FAM91A1: variants seen among roughly 807,000 people sequenced by gnomAD.
FAM91A1 encodes the protein family with sequence similarity 91 member A1, also known as protein FAM91A1.
Under a neutral mutation model 113.5 loss-of-function variants are expected in FAM91A1, and 41 were observed. The observed-to-expected ratio is 0.36, with a 90% CI of 0.28 to 0.47. The LOEUF is 0.47. FAM91A1 is among the 20% of genes least tolerant of loss of function. The pLI, the probability that FAM91A1 is intolerant of heterozygous loss-of-function variation, is 1.00. For synonymous variants in FAM91A1, 307 were observed against 347.9 expected, an observed-to-expected ratio of 0.88 and a Z score of 1.31; for missense variants, 696 against 1,001.2, an observed-to-expected ratio of 0.70 and a Z score of 4.11.
chr8:123,772,492 G>T (rs1231180651), intron 1 of FAM91A1, among the ~76,000 whole-genome samples: 1 of 152,210 alleles, frequency 6.6e-6, no homozygotes, highest in East Asian at 1.9e-4. Flanking sequence ...TCTACAATGA[G>T]ATCTACTCTT....
chr8:123,809,050 TC>T, intron 22 of FAM91A1, 34 bp downstream of exon 22: 1 of 1,602,996 alleles, frequency 6.2e-7, no homozygotes, highest in Non-Finnish European at 8.5e-7. Flanking sequence ...TATTTTCATA[TC>T]AATTTTTAAG....
chr8:123,775,094 ATATAAC>A, intron 2 of FAM91A1, 47 bp from the exon 3 acceptor site: 3 of 1,484,320 alleles, frequency 2.0e-6, no homozygotes, highest in African/African-American at 1.4e-5. Flanking sequence ...CATAGTTAAT[ATATAAC>A]TATAAGAAAC....
chr8:123,795,390 C>G (rs1815488804), intron 15 of FAM91A1, among the ~76,000 whole-genome samples: 2 of 150,562 alleles, frequency 1.3e-5, no homozygotes, highest in Non-Finnish European at 3.0e-5. Context: ...CCCCGCCCCC[C>G]TGCCCTTTAC....
rs1815988842 is a variant in FAM91A1 at position 123,812,732 on chromosome 8, T to G, written c.*28T>G. On this transcript the variant is annotated 3_prime_UTR_variant, in exon 24 of 24. Transcript: ENST00000334705. The stretch of plus-strand genomic sequence containing the variant: ...TGGTTACACCATTTGTTGCTCACAC[T>G]TTCTGCCTTTTTTCTTTCTTAACGT... 6.7e-7 allele frequency: 1 copy of G among 1,494,132 alleles called. No individual in the cohort carries two copies. The highest frequency in any genetic ancestry group is 1.4e-5 in the African/African-American group (1 of 69,982). 92.6% of individuals were successfully genotyped at this position (1,494,132 alleles called of 1,614,324 possible). A position where few individuals can be genotyped will look rare whatever the true frequency, so the allele number is the denominator to read the frequency against.
chr8:123,790,893 T>C (rs1323480805), intron 15 of FAM91A1, among the ~76,000 whole-genome samples: 2 of 152,236 alleles, frequency 1.3e-5, no homozygotes, highest in Non-Finnish European at 2.9e-5. Context: ...CCGAGAGTCC[T>C]AAGCACTTAC....
intron 8 of FAM91A1, among the ~76,000 whole-genome samples, chr8:123,781,474 A>ATTTTT: frequency 8.2e-6 from 1 of 121,274 alleles, no homozygotes; most frequent in Non-Finnish European, 1.7e-5. Context: ...GCATATGTGA[A>ATTTTT]TTTTTTTTTT....
At chr8:123,775,406 T>C (rs1814958456) in intron 3 of FAM91A1, 108 bp downstream of exon 3, 1 of 1,319,120 alleles carries the variant, frequency 7.6e-7, no homozygotes, top group Non-Finnish European at 1.0e-6. Flanking sequence ...GTGGACACTC[T>C]TTCAGAACTT....
Position 123,775,268 on chromosome 8 carries a change from A to G in FAM91A1, c.279A>G (p.Thr93=). 1 of 1,613,948 alleles carries G rather than the reference A, an allele frequency of 6.2e-7. No homozygotes were observed. The highest frequency in any genetic ancestry group is 8.5e-7 in the Non-Finnish European group (1 of 1,179,930). The part of the protein sequence containing the change: ...SDIMVKGLRI[T]PFSYYTGIME... Reference sequence around the variant, plus strand: ...TTATGGTGAAAGGCTTGAGGATAACACCATTTTCATATTATACTGGGATTA... The same window carrying G: ...TTATGGTGAAAGGCTTGAGGATAACGCCATTTTCATATTATACTGGGATTA... Residue 93 remains threonine (T), a synonymous_variant, in exon 3 of 24, where the codon ACA becomes ACG. Transcript: ENST00000334705.
At chr8:123,790,463 C>G (rs1006181520) in intron 15 of FAM91A1, among the ~76,000 whole-genome samples, 1 of 152,222 alleles carries the variant, frequency 6.6e-6, no homozygotes, top group African/African-American at 2.4e-5. Context: ...TGCATGAGCA[C>G]TTGGCTCAAG....
intron 21 of FAM91A1, chr8:123,808,686 CAT>C (rs754429765): frequency 1.9e-6 from 1 of 513,674 alleles, no homozygotes; most frequent in Non-Finnish European, 3.3e-6. Flanking sequence ...TTCTCAGACA[CAT>C]GTTTATACCC....
chr8:123,784,435 G>A, intron 8 of FAM91A1, 35 bp from the exon 9 acceptor site: 1 of 1,474,450 alleles, frequency 6.8e-7, no homozygotes, highest in Non-Finnish European at 9.4e-7. Flanking sequence ...TATAAAATCT[G>A]TACCACTGAG....
chr8:123,785,513 A>T, intron 10 of FAM91A1, 116 bp from the exon 11 acceptor site: 1 of 709,276 alleles, frequency 1.4e-6, no homozygotes, highest in African/African-American at 1.9e-5. Context: ...GTTTCTGGTT[A>T]CGGGATGAAA....
At chr8:123,805,364 A>G in intron 19 of FAM91A1, 25 bp downstream of exon 19, 2 of 1,491,518 alleles carry the variant, frequency 1.3e-6, no homozygotes, top group Admixed American at 2.1e-5. Flanking sequence ...GTATCTATTG[A>G]CTTTTTTTTT....
chr8:123,799,728 C>T (rs372455209), intron 17 of FAM91A1, 44 bp from the exon 18 acceptor site: 142 of 1,603,930 alleles, frequency 8.9e-5, no homozygotes, highest in Non-Finnish European at 1.1e-4. Flanking sequence ...TAATATTTTC[C>T]TTATTTCTGA....
intron 10 of FAM91A1, 93 bp downstream of exon 10, chr8:123,785,212 G>A (rs1205509672): frequency 5.7e-6 from 6 of 1,061,384 alleles, no homozygotes; most frequent in Non-Finnish European, 4.1e-6. Context: ...GAGAAACGAA[G>A]ACATTGAGAT....
chr8:123,780,954 T>C (rs1010810726), intron 8 of FAM91A1, among the ~76,000 whole-genome samples: 4 of 152,216 alleles, frequency 2.6e-5, no homozygotes, highest in Middle Eastern at 3.2e-3. Context: ...TTTTCCCTTC[T>C]TCCTTTACCT....
intron 10 of FAM91A1, 91 bp downstream of exon 10, chr8:123,785,210 A>T: frequency 9.3e-7 from 1 of 1,074,156 alleles, no homozygotes. Context: ...CTGAGAAACG[A>T]AGACATTGAG....
In FAM91A1 at chr8:123,806,190, C is replaced by G. The variant is rs1384573802; in HGVS notation, c.1993C>G (p.Leu665Val). The G allele has an allele frequency of 1.2e-6, 2 of 1,613,310 alleles. No individual in the cohort carries two copies. The highest frequency in any genetic ancestry group is 1.7e-6 in the Non-Finnish European group (2 of 1,179,504). ...CACCATGTTGAATGCTTCCAGCCAA[C>G]TTGCAGATAGAAAACTCAGTGATGC... is the stretch of plus-strand genomic sequence containing the variant. Reference protein sequence around the residue: ...YVTMLNASSQLADRKLSDASD... With the variant: ...YVTMLNASSQVADRKLSDASD... Residue 665 changes from leucine (L) to valine (V), a missense_variant, in exon 20 of 24, where the codon CTT (leucine) becomes GTT (valine). Coordinates refer to ENST00000334705, the MANE Select transcript of FAM91A1 (RefSeq NM_144963.4).
intron 1 of FAM91A1, among the ~76,000 whole-genome samples, chr8:123,772,601 G>A (rs905663597): frequency 1.3e-5 from 2 of 152,186 alleles, no homozygotes; most frequent in African/African-American, 4.8e-5. Context: ...TAAGCTAAAT[G>A]CAGGAAGAAA....
Sources: allele counts gnomAD v4.1 joint callset (sites outside exome capture counted in the v4.1 genomes callset), GRCh38; gene constraint gnomAD v4.1.1; transcripts MANE v1.5; gene names NCBI Gene and HGNC (gene_info 2026-07-23, HGNC 2026-07-21).